HTR1F: variants seen among roughly 807,000 people sequenced by gnomAD.
HTR1F encodes 5-hydroxytryptamine receptor 1F.
Under a neutral mutation model 24.0 loss-of-function variants are expected in HTR1F, and 17 were observed. The ratio of observed to expected loss-of-function variants is 0.71; its 90% CI spans 0.48 to 1.06. The LOEUF (loss-of-function observed/expected upper bound fraction) is 1.06, where lower values mean the gene tolerates loss of function less well. HTR1F is among the 50% of genes least tolerant of loss of function. The pLI is 0.00. For synonymous variants in HTR1F, 186 were observed against 156.8 expected, an observed-to-expected ratio of 1.19 and a Z score of -1.39; for missense variants, 391 against 427.8, an observed-to-expected ratio of 0.91 and a Z score of 0.76.
At chr3:87,882,822 T>A (rs1287251968) in intron 2 of HTR1F, among the ~76,000 whole-genome samples, 3 of 151,858 alleles carry the variant, frequency 2.0e-5, no homozygotes, top group Admixed American at 6.6e-5. Flanking sequence ...AACCTGCACA[T>A]TGTGCACATG....
chr3:87,827,511 T>C (rs1023065799), intron 2 of HTR1F, among the ~76,000 whole-genome samples: 6 of 152,188 alleles, frequency 3.9e-5, no homozygotes, highest in African/African-American at 1.4e-4. Flanking sequence ...ACTTTAAACC[T>C]AGAAGAAAAC....
chr3:87,988,824 C>G (rs1705739048), intron 2 of HTR1F, among the ~76,000 whole-genome samples: 1 of 151,996 alleles, frequency 6.6e-6, no homozygotes, highest in Non-Finnish European at 1.5e-5. Flanking sequence ...AGTGATCCCC[C>G]TGCCTCAGCC....
chr3:87,871,386 T>C (rs1217706416), intron 2 of HTR1F, among the ~76,000 whole-genome samples: 1 of 151,468 alleles, frequency 6.6e-6, no homozygotes, highest in African/African-American at 2.4e-5. Flanking sequence ...GAAAAAAGAA[T>C]GAAGAAAAGC....
intron 2 of HTR1F, among the ~76,000 whole-genome samples, chr3:87,881,511 G>GA (rs555446736): frequency 1.4e-3 from 208 of 152,208 alleles, no homozygotes; most frequent in Middle Eastern, 0.014. Flanking sequence ...GGGAATGGCT[G>GA]AAAAAAAGGC....
chr3:87,920,544 C>A (rs1703992136), intron 2 of HTR1F, among the ~76,000 whole-genome samples: 1 of 151,862 alleles, frequency 6.6e-6, no homozygotes, highest in Non-Finnish European at 1.5e-5. Context: ...TAAATCATGA[C>A]ACGTAAAACA....
At chr3:87,882,481 G>C (rs1238259283) in intron 2 of HTR1F, among the ~76,000 whole-genome samples, 3 of 152,030 alleles carry the variant, frequency 2.0e-5, no homozygotes, top group Non-Finnish European at 2.9e-5. Context: ...TGATAGACTG[G>C]ATTAAGAAAA....
intron 2 of HTR1F, among the ~76,000 whole-genome samples, chr3:87,858,661 GT>G (rs148531115): frequency 4.2e-4 from 62 of 147,906 alleles, no homozygotes; most frequent in Admixed American, 1.2e-3. Context: ...GATATTCTCG[GT>G]TTTTTTTTTG....
At chr3:87,934,890 G>C (rs1370116048) in intron 2 of HTR1F, among the ~76,000 whole-genome samples, 1 of 152,126 alleles carries the variant, frequency 6.6e-6, no homozygotes, top group East Asian at 1.9e-4. Flanking sequence ...TTTTGAGACA[G>C]AGTCTCACTT....
chr3:87,912,129 CTG>C (rs1703791547), intron 2 of HTR1F, among the ~76,000 whole-genome samples: 1 of 151,938 alleles, frequency 6.6e-6, no homozygotes, highest in Non-Finnish European at 1.5e-5. Context: ...CAAACTATCC[CTG>C]TTTGCCAATG....
intron 2 of HTR1F, among the ~76,000 whole-genome samples, chr3:87,872,006 T>G (rs902368188): frequency 1.3e-5 from 2 of 152,050 alleles, no homozygotes; most frequent in African/African-American, 4.8e-5. Context: ...AGATGTTAGG[T>G]CACAAAGCAA....
At chr3:87,972,362 A>G (rs1259892431) in intron 2 of HTR1F, among the ~76,000 whole-genome samples, 1 of 152,178 alleles carries the variant, frequency 6.6e-6, no homozygotes, top group Non-Finnish European at 1.5e-5. Context: ...GAAGTGTTTT[A>G]TTAGTAACCA....
intron 2 of HTR1F, among the ~76,000 whole-genome samples, chr3:87,872,144 C>A (rs1458023256): frequency 1.3e-5 from 2 of 152,024 alleles, no homozygotes; most frequent in African/African-American, 2.4e-5. Context: ...AAAAAACATA[C>A]TCTTGAACAA....
intron 2 of HTR1F, among the ~76,000 whole-genome samples, chr3:87,885,260 G>T (rs7634845): frequency 0.031 from 4,742 of 152,212 alleles, 274 homozygotes; most frequent in African/African-American, 0.11. Context: ...ATAACGAAAT[G>T]AAGGCAGAGA....
intron 2 of HTR1F, among the ~76,000 whole-genome samples, chr3:87,865,171 C>G (rs749729438): frequency 2.0e-5 from 3 of 152,108 alleles, no homozygotes; most frequent in Non-Finnish European, 4.4e-5. Flanking sequence ...TTACTTGCTT[C>G]AATACGTCAA....
At chr3:87,906,055 C>T (rs1703660938) in intron 2 of HTR1F, among the ~76,000 whole-genome samples, 1 of 151,962 alleles carries the variant, frequency 6.6e-6, no homozygotes, top group Admixed American at 6.6e-5. Flanking sequence ...TTGAACTATA[C>T]ATTATTGTGT....
intron 2 of HTR1F, among the ~76,000 whole-genome samples, chr3:87,975,128 C>T (rs1165515486): frequency 4.6e-5 from 7 of 152,076 alleles, no homozygotes; most frequent in African/African-American, 1.7e-4. Flanking sequence ...AATTGCTACT[C>T]TTATAGGAGT....
intron 2 of HTR1F, among the ~76,000 whole-genome samples, chr3:87,850,325 G>A (rs772180917): frequency 5.9e-5 from 9 of 151,940 alleles, no homozygotes; most frequent in Middle Eastern, 3.4e-3. Flanking sequence ...GGATGAAGCC[G>A]GAAACCATCA....
intron 2 of HTR1F, among the ~76,000 whole-genome samples, chr3:87,864,524 A>G (rs1705381845): frequency 1.3e-5 from 2 of 152,148 alleles, no homozygotes; most frequent in Admixed American, 1.3e-4. Flanking sequence ...AGGTTCTTCA[A>G]TCTAGAAAGA....
At chr3:87,804,717 G>A (rs1202488319) in intron 1 of HTR1F, among the ~76,000 whole-genome samples, 1 of 151,980 alleles carries the variant, frequency 6.6e-6, no homozygotes, top group East Asian at 1.9e-4. Context: ...TTTCCCCTCT[G>A]TTGATGTCTT....
Sources: gnomAD v4.1 joint callset for allele counts (sites outside exome capture counted in the v4.1 genomes callset) on GRCh38, gnomAD v4.1.1 for gene constraint, MANE v1.5 for transcripts, NCBI Gene and HGNC (gene_info 2026-07-23, HGNC 2026-07-21) for gene names.